The following POF1B variants were observed in gnomAD, a reference collection of about 807,000 sequenced individuals.
POF1B encodes POF1B actin binding protein.
Under a neutral mutation model 55.3 loss-of-function variants are expected in POF1B, and 53 were observed. The observed-to-expected ratio is 0.96, with a 90% confidence interval of 0.77 to 1.20. POF1B has a LOEUF of 1.20. Ranked by LOEUF, POF1B falls within the 50% of genes most tolerant of loss-of-function variation. POF1B has a pLI of 0.00. For missense variants in POF1B, 478 were observed against 420.5 expected, an observed-to-expected ratio of 1.14 and a Z score of -1.20; for synonymous variants, 188 against 148.3, an observed-to-expected ratio of 1.27 and a Z score of -1.95.
chrX:85,307,522 T>C (rs1932603638), intron 10 of POF1B, among the ~76,000 whole-genome samples: 1 of 111,562 alleles, frequency 9.0e-6, no homozygotes, highest in African/African-American at 3.3e-5. Flanking sequence ...CCCTCTGAAA[T>C]GTTTTAATGT....
At chrX:85,322,011 ATACTGCCCAAGGTAAT>A (rs1932843104) in intron 7 of POF1B, among the ~76,000 whole-genome samples, 1 of 110,714 alleles carries the variant, frequency 9.0e-6, no homozygotes, top group Non-Finnish European at 1.9e-5. Context: ...GAAAATGGCC[ATACTGCCCAAGGTAAT>A]TTATAGATTC....
intron 7 of POF1B, among the ~76,000 whole-genome samples, chrX:85,323,530 G>T (rs1339391711): frequency 9.3e-6 from 1 of 107,997 alleles, no homozygotes; most frequent in African/African-American, 3.4e-5. Flanking sequence ...CACCAGCATG[G>T]CACATGTATA....
intron 9 of POF1B, among the ~76,000 whole-genome samples, chrX:85,310,966 A>G (rs1009594807): frequency 7.1e-5 from 8 of 111,982 alleles, no homozygotes; most frequent in Admixed American, 1.9e-4. Context: ...ATAATTGTCA[A>G]CTGTAAATTC....
chrX:85,306,346 C>G lies in POF1B; in HGVS notation c.1165-13G>C. 1 of 1,199,980 alleles carries G rather than the reference C, an allele frequency of 8.3e-7. No homozygotes were observed. Among genetic ancestry groups the G allele is most frequent in the Non-Finnish European group, 1.1e-6 (1 of 890,232 alleles). On this transcript the variant is annotated splice_polypyrimidine_tract_variant and intron_variant, in intron 11 of 16. Coordinates refer to ENST00000262753, the MANE Select transcript of POF1B (RefSeq NM_024921.4). ...CTTGAAGTCCTTGCTGTAAAGAAGA[C>G]ACAAGTACATAAGACAAATGCATTT...
chrX:85,355,895 G>A (rs781372089), intron 4 of POF1B, among the ~76,000 whole-genome samples: 1 of 111,847 alleles, frequency 8.9e-6, no homozygotes, highest in African/African-American at 3.2e-5. Context: ...GTGGAAGACA[G>A]TGTGGTGATT....
At chrX:85,360,527 G>GTGTATATATATATATATA (rs1555988251) in intron 3 of POF1B, among the ~76,000 whole-genome samples, 26 of 58,524 alleles carry the variant, frequency 4.4e-4, no homozygotes, top group Admixed American at 2.1e-3. Flanking sequence ...TCCATGGTAT[G>GTGTATATATATATATATA]TATATATATA....
At chrX:85,335,755 T>C (rs750429017) in intron 6 of POF1B, among the ~76,000 whole-genome samples, 2 of 110,667 alleles carry the variant, frequency 1.8e-5, no homozygotes, top group East Asian at 5.7e-4. Context: ...TATGGGATGT[T>C]TGAGATATTT....
At chrX:85,297,994 G>T (rs1470044067) in intron 15 of POF1B, among the ~76,000 whole-genome samples, 1 of 112,198 alleles carries the variant, frequency 8.9e-6, no homozygotes, top group Non-Finnish European at 1.9e-5. Flanking sequence ...CTGCAACCTT[G>T]GGGCATTGGA....
rs751090691 is a variant in POF1B, at chrX:85,330,576, C to T, written c.854+373G>A. Among the ~76,000 whole-genome samples, 426 of 111,347 alleles carry T rather than the reference C, an allele frequency of 3.8e-3. 1 individual carries two copies. The highest frequency in any genetic ancestry group is 9.3e-3 in the Middle Eastern group (2 of 215). ...AAGATACATGGAATTCTTTACTAAT[C>T]CTAAAAGGGCTTGTGTTTTTTGTTT... is the stretch of plus-strand genomic sequence containing the variant. On this transcript the variant is annotated intron_variant, in intron 7 of 16. Coordinates refer to ENST00000262753, the MANE Select transcript of POF1B (RefSeq NM_024921.4).
chrX:85,345,418 G>T (rs1418360214), intron 6 of POF1B, among the ~76,000 whole-genome samples: 1 of 111,094 alleles, frequency 9.0e-6, no homozygotes, highest in Non-Finnish European at 1.9e-5. Context: ...TATTCTCAAA[G>T]AAGACATACA....
intron 15 of POF1B, among the ~76,000 whole-genome samples, chrX:85,287,178 C>T (rs1310042888): frequency 9.0e-6 from 1 of 110,618 alleles, no homozygotes; most frequent in East Asian, 2.8e-4. Flanking sequence ...CCTATGTTTC[C>T]ATGTTTTGAA....
At chrX:85,376,444 G>T (rs1163003940) in intron 2 of POF1B, among the ~76,000 whole-genome samples, 1 of 111,340 alleles carries the variant, frequency 9.0e-6, no homozygotes, top group Non-Finnish European at 1.9e-5. Flanking sequence ...ATGCATCTGA[G>T]ACCTTGATTA....
At chrX:85,376,639 C>T (rs1933927858) in intron 2 of POF1B, among the ~76,000 whole-genome samples, 1 of 110,953 alleles carries the variant, frequency 9.0e-6, no homozygotes, top group African/African-American at 3.3e-5. Context: ...AACAAAGTAA[C>T]ATTATATATC....
chrX:85,289,922 G>A (rs1453633753), intron 15 of POF1B, among the ~76,000 whole-genome samples: 1 of 111,098 alleles, frequency 9.0e-6, no homozygotes, highest in Non-Finnish European at 1.9e-5. Flanking sequence ...ATAAAGGGAG[G>A]GAGGAAAGCA....
At chrX:85,333,368 T>C (rs1933011709) in intron 6 of POF1B, among the ~76,000 whole-genome samples, 1 of 111,536 alleles carries the variant, frequency 9.0e-6, no homozygotes, top group Non-Finnish European at 1.9e-5. Flanking sequence ...TAAGTCTTGT[T>C]TTCTCAGCAC....
intron 4 of POF1B, 61 bp downstream of exon 4, chrX:85,359,489 C>T: frequency 1.2e-6 from 1 of 851,126 alleles, no homozygotes; most frequent in South Asian, 2.2e-5. Context: ...ACTGATTAAG[C>T]CTTTTTGTTT....
At chrX:85,305,006 T>C (rs1467822845) in intron 13 of POF1B, among the ~76,000 whole-genome samples, 2 of 110,815 alleles carry the variant, frequency 1.8e-5, no homozygotes, top group Non-Finnish European at 3.8e-5. Flanking sequence ...ATCTTGTCCA[T>C]TTCCCTCTTT....
intron 4 of POF1B, among the ~76,000 whole-genome samples, 182 bp downstream of exon 4, chrX:85,359,368 T>A (rs1933562229): frequency 9.0e-6 from 1 of 111,410 alleles, no homozygotes; most frequent in African/African-American, 3.3e-5. Flanking sequence ...AGTCAGAATA[T>A]ATAGACTCAT....
chrX:85,345,585 G>T (rs1456007927), intron 6 of POF1B, among the ~76,000 whole-genome samples: 1 of 110,716 alleles, frequency 9.0e-6, no homozygotes, highest in Non-Finnish European at 1.9e-5. Flanking sequence ...CAACTGTTGG[G>T]CCCATTTTAG....
Sources: gnomAD v4.1 joint callset for allele counts (sites outside exome capture counted in the v4.1 genomes callset) on GRCh38, gnomAD v4.1.1 for gene constraint, MANE v1.5 for transcripts, NCBI Gene and HGNC (gene_info 2026-07-23, HGNC 2026-07-21) for gene names.